The following DLG1 variants were observed in gnomAD, a reference collection of about 807,000 sequenced individuals.
DLG1 encodes disks large homolog 1.
A neutral mutation model predicts 123.4 loss-of-function variants in DLG1; 42 were observed. That is an observed-to-expected ratio of 0.34 (90% CI 0.27 to 0.44). The LOEUF (loss-of-function observed/expected upper bound fraction) is 0.44. Among genes scored for constraint, DLG1 ranks in the 20% least tolerant of loss-of-function variants. The probability of loss-of-function intolerance (pLI) is 1.00; values close to 1 mark genes in which losing one functional copy is unlikely to be tolerated. For missense variants in DLG1, 942 were observed against 1,082.6 expected (o/e 0.87, Z 1.82); for synonymous variants, 317 against 356.2 (o/e 0.89, Z 1.24).
intron 23 of DLG1, among the ~76,000 whole-genome samples, chr3:197,055,066 C>T (rs1578203390): frequency 1.3e-5 from 2 of 152,144 alleles, no homozygotes; most frequent in Non-Finnish European, 2.9e-5. Context: ...CTGCCTGCCT[C>T]GGCCTCCCAA....
intron 4 of DLG1, chr3:197,226,118 C>A (rs910569268): frequency 6.6e-6 from 1 of 152,160 alleles, no homozygotes; most frequent in Non-Finnish European, 1.5e-5. Flanking sequence ...ATTGTTTCCA[C>A]CCCCACAGCA....
chr3:197,048,193 G>A (rs979444674), intron 24 of DLG1, among the ~76,000 whole-genome samples: 1 of 152,192 alleles, frequency 6.6e-6, no homozygotes, highest in Non-Finnish European at 1.5e-5. Context: ...TAATGAGGCT[G>A]GGTGCAGTGG....
chr3:197,228,948 A>G (rs1387421008), intron 4 of DLG1, among the ~76,000 whole-genome samples: 1 of 152,190 alleles, frequency 6.6e-6, no homozygotes, highest in Non-Finnish European at 1.5e-5. Context: ...AGTACGTTCA[A>G]TGCTGTATAG....
chr3:197,134,087 A>T (rs1783951624), intron 10 of DLG1, among the ~76,000 whole-genome samples: 1 of 152,214 alleles, frequency 6.6e-6, no homozygotes, highest in African/African-American at 2.4e-5. Context: ...AGTGCAACAG[A>T]AGGCTGTCTT....
intron 3 of DLG1, among the ~76,000 whole-genome samples, chr3:197,295,447 C>G (rs1388961649): frequency 6.6e-6 from 1 of 151,190 alleles, no homozygotes; most frequent in African/African-American, 2.4e-5. Context: ...TATATGTCTT[C>G]TTATGTTAAA....
chr3:197,192,143 G>A (rs151030792), intron 5 of DLG1, among the ~76,000 whole-genome samples: 11 of 152,244 alleles, frequency 7.2e-5, no homozygotes, highest in African/African-American at 2.2e-4. Context: ...ATGCACTCCA[G>A]CCTGGGCAAC....
chr3:197,248,926 G>C (rs939905225), intron 4 of DLG1, among the ~76,000 whole-genome samples: 4 of 152,176 alleles, frequency 2.6e-5, no homozygotes, highest in African/African-American at 9.7e-5. Context: ...AGACAAGAGT[G>C]AGGTATGATC....
chr3:197,196,171 C>CAAAAAAAAAA (rs71162001), intron 4 of DLG1, among the ~76,000 whole-genome samples: 1 of 88,714 alleles, frequency 1.1e-5, no homozygotes. Context: ...AAATGCACAC[C>CAAAAAAAAAA]AAAAAAAAAA....
At chr3:197,222,396 G>A (rs1281769451) in intron 4 of DLG1, among the ~76,000 whole-genome samples, 2 of 152,068 alleles carry the variant, frequency 1.3e-5, no homozygotes, top group Non-Finnish European at 2.9e-5. Flanking sequence ...TGACTATAAT[G>A]AGGAAAAAAT....
intron 24 of DLG1, 118 bp downstream of exon 24, chr3:197,051,457 ATG>A: frequency 1.4e-6 from 1 of 723,742 alleles, no homozygotes; most frequent in Non-Finnish European, 2.3e-6. Context: ...CCTAGGCTGG[ATG>A]ATACTAGTTA....
chr3:197,246,650 TTGAG>T (rs1021501577), intron 4 of DLG1, among the ~76,000 whole-genome samples: 4 of 152,156 alleles, frequency 2.6e-5, no homozygotes, highest in African/African-American at 9.6e-5. Flanking sequence ...CCCCATGTTC[TTGAG>T]TAAGCACCCT....
chr3:197,176,960 TTTTTATTTTTTA>T (rs1383860121), intron 5 of DLG1, among the ~76,000 whole-genome samples: 1 of 151,424 alleles, frequency 6.6e-6, no homozygotes, highest in African/African-American at 2.4e-5. Flanking sequence ...ATAAATTTTA[TTTTTATTTTTTA>T]TATTATTTTT....
intron 4 of DLG1, among the ~76,000 whole-genome samples, chr3:197,261,869 G>A (rs1359606544): frequency 6.6e-6 from 1 of 152,192 alleles, no homozygotes; most frequent in African/African-American, 2.4e-5. Context: ...GGGCTGTTGT[G>A]TGAGGATTAA....
At chr3:197,147,660 G>C (rs938055533) in intron 6 of DLG1, among the ~76,000 whole-genome samples, 3 of 151,974 alleles carry the variant, frequency 2.0e-5, no homozygotes, top group African/African-American at 7.3e-5. Context: ...TTGGCATTTG[G>C]GGACTCGGGA....
intron 5 of DLG1, among the ~76,000 whole-genome samples, chr3:197,172,427 T>C (rs1187029588): frequency 1.3e-5 from 2 of 152,166 alleles, no homozygotes; most frequent in African/African-American, 2.4e-5. Context: ...TGTGACTGCA[T>C]TTTGGATAAT....
intron 4 of DLG1, among the ~76,000 whole-genome samples, chr3:197,250,973 ACTC>A (rs1754118280): frequency 7.6e-6 from 1 of 132,152 alleles, no homozygotes; most frequent in Non-Finnish European, 1.6e-5. Context: ...ACAGAGCAAG[ACTC>A]CATCAAAAAA....
intron 11 of DLG1, among the ~76,000 whole-genome samples, chr3:197,123,463 G>A (rs780101113): frequency 6.6e-6 from 1 of 152,072 alleles, no homozygotes; most frequent in Non-Finnish European, 1.5e-5. Flanking sequence ...CATTGAACAA[G>A]AGTCAAAGCA....
rs146060929 is a variant in DLG1, at chr3:197,092,204, A to T, written c.1547-1178T>A. Among the ~76,000 whole-genome samples the T allele has an allele frequency of 3.6e-3, 542 of 152,348 alleles. 3 individuals are homozygous for T. The highest frequency in any genetic ancestry group is 0.011 in the African/African-American group (474 of 41,586). On this transcript the variant is annotated intron_variant, in intron 14 of 24. Coordinates refer to ENST00000667157, the MANE Select transcript of DLG1 (RefSeq NM_001366207.1). The stretch of plus-strand genomic sequence containing the variant: ...TGATGAATGGAGATCATAAAAATAT[A>T]TCATGAGTTTATACTGGTTTTTCTA...
intron 6 of DLG1, among the ~76,000 whole-genome samples, chr3:197,148,165 G>C (rs1791904881): frequency 6.9e-6 from 1 of 145,608 alleles, no homozygotes; most frequent in South Asian, 2.2e-4. Flanking sequence ...TTGGGAGGCT[G>C]AGGCGGGCTG....
Sources: gnomAD v4.1 joint callset for allele counts (sites outside exome capture counted in the v4.1 genomes callset) on GRCh38, gnomAD v4.1.1 for gene constraint, MANE v1.5 for transcripts, NCBI Gene and HGNC (gene_info 2026-07-23, HGNC 2026-07-21) for gene names.